PRH1: variants seen among roughly 807,000 people sequenced by gnomAD.
PRH1 encodes proline rich protein HaeIII subfamily 1.
In PRH1, 7 loss-of-function variants were observed where a neutral mutation model predicts 7.9. The observed-to-expected ratio is 0.89, with a 90% confidence interval of 0.50 to 1.67. The LOEUF (loss-of-function observed/expected upper bound fraction) is 1.67, where lower values mean the gene tolerates loss of function less well. Among genes scored for constraint, PRH1 ranks in the 40% most tolerant of loss-of-function variants. PRH1 has a pLI of 0.00. For missense variants in PRH1, 109 were observed against 223.6 expected (o/e 0.49, Z 3.27); for synonymous variants, 45 against 80.8 (o/e 0.56, Z 2.38).
upstream of PRH1, among the ~76,000 whole-genome samples, chr12:10,888,172 C>T (rs1949521672): frequency 6.6e-6 from 1 of 152,094 alleles, no homozygotes; most frequent in South Asian, 2.1e-4. Context: ...ACTCTTCTGC[C>T]TCCCTCTTCT....
upstream of PRH1, chr12:11,171,556 A>C (rs1284016204): frequency 8.1e-7 from 1 of 1,232,086 alleles, no homozygotes; most frequent in Non-Finnish European, 1.0e-6. Flanking sequence ...TTGCAGGTAC[A>C]TATTTAGAGC....
At chr12:10,909,423 A>T (rs1336373392) in intron 2 of PRH1, 2 of 667,094 alleles carry the variant, frequency 3.0e-6, no homozygotes, top group Non-Finnish European at 5.1e-6. Context: ...TCCTTCTTTC[A>T]TTGTTGGCTC....
chr12:11,156,455 T>A (rs985110821), intron 1 of PRH1, among the ~76,000 whole-genome samples: 4 of 152,216 alleles, frequency 2.6e-5, no homozygotes, highest in Non-Finnish European at 5.9e-5. Flanking sequence ...TCTCTTCTAA[T>A]CTTCCAGAAC....
intron 1 of PRH1, among the ~76,000 whole-genome samples, chr12:11,106,977 A>C (rs935205580): frequency 1.1e-4 from 16 of 152,282 alleles, no homozygotes; most frequent in Admixed American, 9.8e-4. Context: ...GTGTTACTTG[A>C]TACATAAAAG....
intron 1 of PRH1, among the ~76,000 whole-genome samples, chr12:11,074,110 C>T (rs71453416): frequency 0.37 from 41,736 of 112,016 alleles, 11,212 homozygotes; most frequent in Non-Finnish European, 0.47. Context: ...ATGGTCAGCA[C>T]CTTGCCTGAT....
chr12:11,148,367 G>A (rs1229383871), intron 1 of PRH1, among the ~76,000 whole-genome samples: 5 of 151,048 alleles, frequency 3.3e-5, no homozygotes, highest in Non-Finnish European at 7.4e-5. Flanking sequence ...TCTTGTGCCA[G>A]TTTTCAAAGG....
rs142933756 is a variant in PRH1 at position 11,130,394 on chromosome 12, T to C, written n.40-9214A>G. On this transcript the variant is annotated intron_variant and non_coding_transcript_variant, in intron 1 of 1. Transcript: ENST00000541175. ...TTTTGCTCTCTCTATATATTTCCTA[T>C]CACTACAAAAGAGACACTATGTTTT... 3.1e-3 allele frequency among the ~76,000 whole-genome samples: 471 copies of C among 152,282 alleles called. 2 individuals are homozygous for C. The highest frequency in any genetic ancestry group is 0.011 in the African/African-American group (450 of 41,560).
intron 2 of PRH1, among the ~76,000 whole-genome samples, chr12:10,917,787 T>C (rs1199563357): frequency 6.6e-6 from 1 of 152,216 alleles, no homozygotes; most frequent in East Asian, 1.9e-4. Context: ...CTGAGTCAGT[T>C]CTTGTTCTCT....
intron 1 of PRH1, among the ~76,000 whole-genome samples, chr12:11,035,981 T>TC (rs975273408): frequency 1.3e-5 from 2 of 152,030 alleles, no homozygotes; most frequent in East Asian, 1.9e-4. Context: ...GCAAGCTCTG[T>TC]CCCCCGGGTT....
At chr12:11,039,338 A>T (rs1256512063) in intron 1 of PRH1, among the ~76,000 whole-genome samples, 1 of 152,276 alleles carries the variant, frequency 6.6e-6, no homozygotes, top group African/African-American at 2.4e-5. Flanking sequence ...GCATCTCAAT[A>T]GGCCAACGGA....
intron 2 of PRH1, among the ~76,000 whole-genome samples, chr12:10,923,378 C>G (rs1160803279): frequency 6.6e-6 from 1 of 152,144 alleles, no homozygotes; most frequent in Non-Finnish European, 1.5e-5. Context: ...ATCTGCCCGC[C>G]TTGGCCTCCC....
chr12:10,952,141 G>A (rs1417960293), intron 2 of PRH1, among the ~76,000 whole-genome samples: 4 of 152,150 alleles, frequency 2.6e-5, no homozygotes, highest in African/African-American at 7.2e-5. Context: ...AGGATTGCTC[G>A]TGTTTTATTT....
intron 1 of PRH1, among the ~76,000 whole-genome samples, chr12:11,090,001 G>C (rs1944825918): frequency 8.5e-6 from 1 of 117,084 alleles, no homozygotes; most frequent in South Asian, 2.3e-4. Flanking sequence ...TGCAGATTTT[G>C]TGATGAGTTT....
At chr12:11,137,247 G>C (rs1029796398) in intron 1 of PRH1, among the ~76,000 whole-genome samples, 9 of 152,068 alleles carry the variant, frequency 5.9e-5, no homozygotes, top group Admixed American at 5.2e-4. Flanking sequence ...AGAAATCAAG[G>C]CTTCTTCATT....
chr12:10,931,234 A>C, intron 2 of PRH1: 2 of 1,462,876 alleles, frequency 1.4e-6, no homozygotes, highest in Non-Finnish European at 9.1e-7. Flanking sequence ...ATAAGGTAGC[A>C]AGATCTTGTT....
At chr12:11,115,650 A>C (rs1301687344) in intron 1 of PRH1, among the ~76,000 whole-genome samples, 3 of 152,204 alleles carry the variant, frequency 2.0e-5, no homozygotes, top group Admixed American at 2.0e-4. Flanking sequence ...GTTAGATCAC[A>C]AAACAAGTCT....
At chr12:10,972,920 G>GCC (rs1938885763) in intron 2 of PRH1, among the ~76,000 whole-genome samples, 1 of 134,684 alleles carries the variant, frequency 7.4e-6, no homozygotes, top group Non-Finnish European at 1.6e-5. Flanking sequence ...CACGTACAAA[G>GCC]CACCACAACC....
intron 2 of PRH1, among the ~76,000 whole-genome samples, chr12:10,911,967 T>C (rs927586698): frequency 6.6e-6 from 1 of 152,210 alleles, no homozygotes; most frequent in African/African-American, 2.4e-5. Flanking sequence ...ATATTTTAAT[T>C]TGAATATGTA....
chr12:10,924,554 T>G (rs1950098913), intron 2 of PRH1, among the ~76,000 whole-genome samples: 1 of 152,174 alleles, frequency 6.6e-6, no homozygotes, highest in Non-Finnish European at 1.5e-5. Context: ...TTCTACTGAT[T>G]GGAATAGTTT....
Sources: allele counts gnomAD v4.1 joint callset (sites outside exome capture counted in the v4.1 genomes callset), GRCh38; gene constraint gnomAD v4.1.1; transcripts MANE v1.5; gene names NCBI Gene and HGNC (gene_info 2026-07-23, HGNC 2026-07-21).